Variants in AKAP6 observed in about 807,000 individuals in gnomAD.
The protein encoded by AKAP6 is A-kinase anchor protein 6.
Under a neutral mutation model 188.5 loss-of-function variants are expected in AKAP6, and 58 were observed. The ratio of observed to expected loss-of-function variants is 0.31; its 90% confidence interval spans 0.25 to 0.38. AKAP6 has a LOEUF of 0.38. Among genes scored for constraint, AKAP6 ranks in the 10% least tolerant of loss-of-function variants. AKAP6 has a pLI of 1.00. For synonymous variants in AKAP6, 989 were observed against 998.6 expected (o/e 0.99, Z 0.18); for missense variants, 2,710 against 2,740.0 (o/e 0.99, Z 0.24).
At chr14:32,660,935 T>TCCCCCCCCCCC (rs1217161230) in intron 7 of AKAP6, among the ~76,000 whole-genome samples, 4 of 38,994 alleles carry the variant, frequency 1.0e-4, no homozygotes, top group African/African-American at 3.2e-4. Flanking sequence ...CCCCCCCCCC[T>TCCCCCCCCCCC]CCCAATTCCA....
chr14:32,588,261 G>C (rs1164284191), intron 5 of AKAP6, among the ~76,000 whole-genome samples: 1 of 152,122 alleles, frequency 6.6e-6, no homozygotes, highest in African/African-American at 2.4e-5. Context: ...AGTATATGAA[G>C]ATCTATTGCA....
chr14:32,398,834 CTT>C (rs1566482734), intron 1 of AKAP6, among the ~76,000 whole-genome samples: 3 of 138,890 alleles, frequency 2.2e-5, no homozygotes, highest in Non-Finnish European at 3.1e-5. Flanking sequence ...CTCTCTCTCT[CTT>C]TCTTCCTGTT....
intron 12 of AKAP6, among the ~76,000 whole-genome samples, chr14:32,785,613 G>C (rs1461575184): frequency 6.6e-6 from 1 of 152,178 alleles, no homozygotes; most frequent in Non-Finnish European, 1.5e-5. Flanking sequence ...GTGAAGCTTA[G>C]TTGGGGAAGT....
chr14:32,668,409 A>C (rs138255025), intron 7 of AKAP6, among the ~76,000 whole-genome samples: 22 of 152,252 alleles, frequency 1.4e-4, no homozygotes, highest in African/African-American at 5.1e-4. Flanking sequence ...TGTCATTAAA[A>C]TGGAGGAAAG....
At chr14:32,554,306 C>A (rs551331619) in intron 4 of AKAP6, among the ~76,000 whole-genome samples, 160 of 152,348 alleles carry the variant, frequency 1.1e-3, no homozygotes, top group Non-Finnish European at 1.6e-3. Context: ...AATTTGCTGA[C>A]CCCTGCTCTT....
intron 10 of AKAP6, chr14:32,733,336 G>C (rs966929047): frequency 2.0e-5 from 3 of 151,974 alleles, no homozygotes; most frequent in Non-Finnish European, 4.4e-5. Flanking sequence ...AAGTTAAACT[G>C]TATTTTTTCA....
intron 2 of AKAP6, among the ~76,000 whole-genome samples, chr14:32,488,117 G>A (rs188517277): frequency 1.3e-5 from 2 of 152,234 alleles, no homozygotes; most frequent in South Asian, 2.1e-4. Context: ...GTCTGCTAAA[G>A]CTGCGCCCAC....
In AKAP6 at chr14:32,824,335, T is replaced by A. The variant is rs1403127747; in HGVS notation, c.6522T>A (p.Ala2174=). 6.2e-7 allele frequency: 1 copy of A among 1,613,852 alleles called. No homozygotes were observed. Among genetic ancestry groups the A allele is most frequent in the Admixed American group, 1.7e-5 (1 of 59,890 alleles). The change falls in exon 13 of 14, where the codon GCT becomes GCA. Residue 2174 remains alanine, a synonymous_variant. Coordinates refer to ENST00000280979, the MANE Select transcript of AKAP6 (RefSeq NM_004274.5). ...SDGEEPCFSS[A]PPNESAVPSE... The stretch of plus-strand genomic sequence containing the variant: ...GAGAGGAGCCTTGTTTCTCTAGTGC[T>A]CCTCCAAATGAATCTGCAGTTCCCA...
rs543861853 is a variant in AKAP6, at chr14:32,581,001, C to T, written c.2469+3759C>T. ...AAGTCTTTGCTATTGTGAATAGTGC[C>T]GCAATAAACATACGTGTGCATGTGT... On this transcript the variant is annotated intron_variant, in intron 5 of 13. Coordinates refer to ENST00000280979, the MANE Select transcript of AKAP6 (RefSeq NM_004274.5). 4.8e-3 allele frequency among the ~76,000 whole-genome samples: 734 copies of T among 151,884 alleles called. 4 individuals are homozygous for T. Among genetic ancestry groups the T allele is most frequent in the African/African-American group, 0.016 (650 of 41,444 alleles).
intron 7 of AKAP6, among the ~76,000 whole-genome samples, chr14:32,610,385 A>T (rs1268817511): frequency 6.6e-6 from 1 of 152,036 alleles, no homozygotes; most frequent in Non-Finnish European, 1.5e-5. Context: ...GCTCTTGCTC[A>T]TGGCTTTTCT....
chr14:32,371,768 C>G (rs1001066688), intron 1 of AKAP6, among the ~76,000 whole-genome samples: 16 of 152,092 alleles, frequency 1.1e-4, no homozygotes, highest in Non-Finnish European at 1.9e-4. Context: ...CAGGGTACCT[C>G]AAATGTGGAG....
intron 11 of AKAP6, among the ~76,000 whole-genome samples, chr14:32,746,314 A>G (rs780342504): frequency 1.2e-4 from 18 of 152,130 alleles, no homozygotes; most frequent in Non-Finnish European, 2.5e-4. Context: ...GACTCATCCA[A>G]GGCCCTCTAC....
At chr14:32,764,375 G>T (rs933609411) in intron 11 of AKAP6, among the ~76,000 whole-genome samples, 1 of 152,190 alleles carries the variant, frequency 6.6e-6, no homozygotes, top group Non-Finnish European at 1.5e-5. Flanking sequence ...GGCCTGTGAA[G>T]ATTGGACCTC....
At chr14:32,582,554 A>G (rs144521216) in intron 5 of AKAP6, among the ~76,000 whole-genome samples, 42,204 of 151,990 alleles carry the variant, frequency 0.28, 7,066 homozygotes, top group Middle Eastern at 0.38. Flanking sequence ...AGACTGGGGA[A>G]GTTCTCCAGG....
chr14:32,786,296 A>ATGTTTTTTTTTTTTTTTTTTTTT lies in AKAP6; in HGVS notation c.3588+12404_3588+12405insGTTTTTTTTTTTTTTTTTTTTTT. Among the ~76,000 whole-genome samples the ATGTTTTTTTTTTTTTTTTTTTTT allele has an allele frequency of 6.4e-3, 597 of 93,584 alleles. 188 individuals carry two copies. The highest frequency in any genetic ancestry group is 0.029 in the Middle Eastern group (4 of 140). The allele number at this position is 93,584 out of a possible 152,430, so 61.4% of individuals were successfully genotyped here. On this transcript the variant is annotated intron_variant, in intron 12 of 13. Coordinates refer to ENST00000280979, the MANE Select transcript of AKAP6 (RefSeq NM_004274.5). The stretch of plus-strand genomic sequence containing the variant: ...AGCCCTCTGAAAGACCTAAACCTTT[A>ATGTTTTTTTTTTTTTTTTTTTTT]TCTTTTTTTTTTTTTTTTTTTTTTT...
At chr14:32,420,200 T>C (rs1451777111) in intron 1 of AKAP6, among the ~76,000 whole-genome samples, 1 of 152,194 alleles carries the variant, frequency 6.6e-6, no homozygotes, top group Non-Finnish European at 1.5e-5. Flanking sequence ...ATCTTTTAGC[T>C]GATACTTTTG....
intron 7 of AKAP6, among the ~76,000 whole-genome samples, chr14:32,671,250 G>A (rs891155849): frequency 4.0e-4 from 61 of 152,238 alleles, no homozygotes; most frequent in African/African-American, 1.4e-3. Context: ...TGCCCCGAGA[G>A]CACACCCACC....
At chr14:32,492,275 C>T (rs1426578961) in intron 2 of AKAP6, among the ~76,000 whole-genome samples, 1 of 149,702 alleles carries the variant, frequency 6.7e-6, no homozygotes, top group African/African-American at 2.4e-5. Flanking sequence ...GGTGTCCCTC[C>T]TCTTTTTCCT....
intron 11 of AKAP6, among the ~76,000 whole-genome samples, chr14:32,749,922 G>GT (rs1460670434): frequency 6.6e-6 from 1 of 152,032 alleles, no homozygotes; most frequent in Non-Finnish European, 1.5e-5. Context: ...TGTCCTTTTG[G>GT]TATCAGTTTT....
Sources: allele counts gnomAD v4.1 joint callset (sites outside exome capture counted in the v4.1 genomes callset), GRCh38; gene constraint gnomAD v4.1.1; transcripts MANE v1.5; gene names NCBI Gene and HGNC (gene_info 2026-07-23, HGNC 2026-07-21).